The following RGS17 variants were observed in gnomAD, a reference collection of about 807,000 sequenced individuals.
RGS17 encodes regulator of G-protein signaling 17.
In RGS17, 12 loss-of-function variants were observed where a neutral mutation model predicts 25.5. That is an observed-to-expected ratio of 0.47 (90% confidence interval 0.30 to 0.76). The LOEUF is 0.76. Ranked by LOEUF, RGS17 falls within the 30% of genes least tolerant of loss-of-function variation. The pLI is 0.07. For synonymous variants in RGS17, 71 were observed against 76.9 expected, an observed-to-expected ratio of 0.92 and a Z score of 0.40; for missense variants, 196 against 242.2, an observed-to-expected ratio of 0.81 and a Z score of 1.27.
In RGS17 at chr6:153,024,548, T is replaced by A. The variant is rs763832526; in HGVS notation, c.210-52A>T. 29 of 1,313,936 alleles carry A rather than the reference T, an allele frequency of 2.2e-5. No homozygotes were observed. In the African/African-American group the frequency reaches 3.8e-4, roughly 17 times the overall value. The allele number at this position is 1,313,936 out of a possible 1,614,324, so 81.4% of individuals were successfully genotyped here. On this transcript the variant is annotated intron_variant, in intron 3 of 4. Transcript: ENST00000206262. The stretch of plus-strand genomic sequence containing the variant: ...CAAAGGGAACTTTGTGACCAGTGAA[T>A]GCTAGACCAGGTAAGGAGAGGAGCA...
intron 4 of RGS17, among the ~76,000 whole-genome samples, chr6:153,013,345 T>C (rs946610329): frequency 9.2e-5 from 14 of 152,242 alleles, no homozygotes; most frequent in Non-Finnish European, 1.9e-4. Context: ...TTGATGACTA[T>C]AGTGTGTATA....
chr6:153,067,940 G>T (rs937817110), intron 1 of RGS17, among the ~76,000 whole-genome samples: 1 of 152,072 alleles, frequency 6.6e-6, no homozygotes, highest in Non-Finnish European at 1.5e-5. Context: ...AAACAGCATG[G>T]TACTGGCATA....
chr6:153,096,885 T>C (rs972963153), intron 1 of RGS17, among the ~76,000 whole-genome samples: 1 of 152,154 alleles, frequency 6.6e-6, no homozygotes, highest in African/African-American at 2.4e-5. Context: ...CTGAAAAACA[T>C]GGCCCAAAGT....
At chr6:153,043,446 C>T (rs1241071224) in intron 2 of RGS17, among the ~76,000 whole-genome samples, 1 of 149,602 alleles carries the variant, frequency 6.7e-6, no homozygotes, top group Non-Finnish European at 1.5e-5. Context: ...TCTGGTCATA[C>T]AGCTGAATGC....
chr6:153,024,057 C>G (rs1265378349), intron 4 of RGS17, among the ~76,000 whole-genome samples: 1 of 152,164 alleles, frequency 6.6e-6, no homozygotes, highest in African/African-American at 2.4e-5. Flanking sequence ...CACAAGTCAG[C>G]TAGAGATAAA....
rs530831695 is a variant in RGS17 at position 153,083,426 on chromosome 6, C to T, written c.-25-39383G>A. Among the ~76,000 whole-genome samples the T allele has an allele frequency of 3.3e-5, 5 of 152,094 alleles. No homozygotes were observed. The South Asian group carries it at 1.0e-3, about 32-fold the overall frequency. ...AACAAACCAAGGTCTATGCCGTTGC[C>T]AGATTTATGGAGACAAACATTTTCT... On this transcript the variant is annotated intron_variant, in intron 1 of 4. Coordinates refer to ENST00000206262, the MANE Select transcript of RGS17 (RefSeq NM_012419.5).
intron 4 of RGS17, among the ~76,000 whole-genome samples, chr6:153,020,160 T>A (rs1358932285): frequency 3.7e-5 from 3 of 80,942 alleles, no homozygotes; most frequent in African/African-American, 1.6e-4. Flanking sequence ...TTTTTTTTTT[T>A]TTTTTTTTTT....
At chr6:153,059,354 C>T (rs1196501060) in intron 1 of RGS17, among the ~76,000 whole-genome samples, 1 of 152,084 alleles carries the variant, frequency 6.6e-6, no homozygotes, top group Non-Finnish European at 1.5e-5. Flanking sequence ...GTTTTCATCC[C>T]CAGAAGGTTA....
intron 1 of RGS17, among the ~76,000 whole-genome samples, chr6:153,102,451 C>A (rs913807974): frequency 6.6e-6 from 1 of 152,202 alleles, no homozygotes; most frequent in African/African-American, 2.4e-5. Flanking sequence ...TGATACATAT[C>A]TTTACTAGTA....
intron 1 of RGS17, among the ~76,000 whole-genome samples, chr6:153,044,394 G>A (rs1037237009): frequency 6.6e-5 from 10 of 152,198 alleles, no homozygotes; most frequent in Middle Eastern, 3.4e-3. Flanking sequence ...GACACCATTC[G>A]GTGATTATAG....
chr6:153,057,583 A>G (rs1776578402), intron 1 of RGS17, among the ~76,000 whole-genome samples: 1 of 152,026 alleles, frequency 6.6e-6, no homozygotes, highest in Non-Finnish European at 1.5e-5. Flanking sequence ...ATGGAAGACA[A>G]TTTTTCCACG....
intron 1 of RGS17, among the ~76,000 whole-genome samples, chr6:153,056,094 T>C (rs9371278): frequency 0.38 from 57,855 of 151,586 alleles, 11,617 homozygotes; most frequent in East Asian, 0.61. Context: ...AAATAGTCAA[T>C]GGCAATTTAG....
intron 1 of RGS17, among the ~76,000 whole-genome samples, chr6:153,099,956 A>G (rs987427532): frequency 4.6e-5 from 7 of 152,104 alleles, no homozygotes; most frequent in African/African-American, 1.7e-4. Context: ...TAATAACGAT[A>G]TTTTCAAGAT....
intron 1 of RGS17, among the ~76,000 whole-genome samples, chr6:153,103,572 A>AT (rs1457901247): frequency 6.6e-6 from 1 of 152,196 alleles, no homozygotes; most frequent in African/African-American, 2.4e-5. Flanking sequence ...TGATCAAACC[A>AT]AAGGCAAGAG....
intron 1 of RGS17, among the ~76,000 whole-genome samples, chr6:153,062,407 G>A (rs1163179673): frequency 6.6e-6 from 1 of 152,162 alleles, no homozygotes; most frequent in Non-Finnish European, 1.5e-5. Context: ...ACCAAATTCA[G>A]CTGATGCCCT....
chr6:153,056,513 C>A (rs1457846145), intron 1 of RGS17, among the ~76,000 whole-genome samples: 3 of 151,278 alleles, frequency 2.0e-5, no homozygotes, highest in Non-Finnish European at 4.4e-5. Context: ...GTAAGAAGAG[C>A]CTCAAGCCAA....
intron 1 of RGS17, among the ~76,000 whole-genome samples, chr6:153,058,397 G>A (rs775730684): frequency 2.0e-5 from 3 of 152,180 alleles, no homozygotes; most frequent in African/African-American, 7.2e-5. Context: ...GAGGAAGAAA[G>A]ACTAATGGTT....
intron 2 of RGS17, among the ~76,000 whole-genome samples, chr6:153,038,977 T>G (rs1776287337): frequency 6.6e-6 from 1 of 152,178 alleles, no homozygotes; most frequent in Non-Finnish European, 1.5e-5. Flanking sequence ...GAGACAATTT[T>G]AGCTTTCAAA....
At chr6:153,053,144 C>A (rs969361912) in intron 1 of RGS17, among the ~76,000 whole-genome samples, 1 of 151,972 alleles carries the variant, frequency 6.6e-6, no homozygotes, top group African/African-American at 2.4e-5. Context: ...CTCATTTTTC[C>A]AGGAATGAAT....
Sources: allele counts gnomAD v4.1 joint callset (sites outside exome capture counted in the v4.1 genomes callset), GRCh38; gene constraint gnomAD v4.1.1; transcripts MANE v1.5; gene names NCBI Gene and HGNC (gene_info 2026-07-23, HGNC 2026-07-21).